The following MACROD2 variants were observed in gnomAD, a reference collection of about 807,000 sequenced individuals.
MACROD2 encodes mono-ADP ribosylhydrolase 2.
MACROD2 carries 36 observed loss-of-function variants against 70.4 expected under a neutral mutation model. The ratio of observed to expected loss-of-function variants is 0.51; its 90% CI spans 0.39 to 0.68. MACROD2 has a LOEUF of 0.68. MACROD2 is among the 30% of genes least tolerant of loss of function. The probability of loss-of-function intolerance (pLI) is 0.00; values close to 1 mark genes in which losing one functional copy is unlikely to be tolerated. For missense variants in MACROD2, 496 were observed against 538.4 expected, an observed-to-expected ratio of 0.92 and a Z score of 0.78; for synonymous variants, 172 against 178.8, an observed-to-expected ratio of 0.96 and a Z score of 0.30.
intron 8 of MACROD2, among the ~76,000 whole-genome samples, chr20:15,860,826 T>G (rs2147161584): frequency 6.6e-6 from 1 of 152,290 alleles, no homozygotes; most frequent in South Asian, 2.1e-4. Flanking sequence ...CACTTTAAAT[T>G]TTTGGAATGT....
intron 6 of MACROD2, among the ~76,000 whole-genome samples, chr20:15,409,965 G>T (rs1416822822): frequency 6.6e-6 from 1 of 152,132 alleles, no homozygotes; most frequent in Non-Finnish European, 1.5e-5. Flanking sequence ...TGGAACCTGG[G>T]ATATTAAACT....
chr20:15,200,266 T>C (rs570761376), intron 5 of MACROD2, among the ~76,000 whole-genome samples: 31 of 152,328 alleles, frequency 2.0e-4, no homozygotes, highest in Admixed American at 3.9e-4. Context: ...ATACTGAAAC[T>C]TCACATGCTA....
intron 5 of MACROD2, among the ~76,000 whole-genome samples, chr20:15,001,976 TACACAC>T (rs1324157048): frequency 6.6e-6 from 1 of 151,508 alleles, no homozygotes; most frequent in Non-Finnish European, 1.5e-5. Flanking sequence ...CACACACATA[TACACAC>T]ACACACTACA....
chr20:15,017,667 G>A (rs911706026), intron 5 of MACROD2, among the ~76,000 whole-genome samples: 1 of 152,204 alleles, frequency 6.6e-6, no homozygotes, highest in Admixed American at 6.5e-5. Flanking sequence ...GGGCATCCAG[G>A]CATTTCCGTA....
At chr20:14,078,471 A>T (rs914453739) in intron 2 of MACROD2, among the ~76,000 whole-genome samples, 57 of 151,938 alleles carry the variant, frequency 3.8e-4, no homozygotes, top group African/African-American at 1.3e-3. Flanking sequence ...CAATGGCGCG[A>T]TCTCGGCTCA....
intron 3 of MACROD2, among the ~76,000 whole-genome samples, chr20:14,158,030 C>T (rs2148715373): frequency 6.6e-6 from 1 of 152,166 alleles, no homozygotes; most frequent in Admixed American, 6.5e-5. Flanking sequence ...ACCAATTTAC[C>T]TTCCATCAAC....
chr20:15,225,698 G>T (rs2076899959), intron 5 of MACROD2, among the ~76,000 whole-genome samples: 1 of 152,126 alleles, frequency 6.6e-6, no homozygotes, highest in Non-Finnish European at 1.5e-5. Flanking sequence ...GGCCTTCTTT[G>T]TCTATTTTAC....
chr20:14,713,640 A>C (rs1015053499), intron 5 of MACROD2, among the ~76,000 whole-genome samples: 4 of 152,206 alleles, frequency 2.6e-5, no homozygotes, highest in South Asian at 2.1e-4. Flanking sequence ...TGAAGACCTA[A>C]CTATATATGA....
chr20:16,040,259 C>T (rs1601367207), intron 15 of MACROD2, among the ~76,000 whole-genome samples: 1 of 151,862 alleles, frequency 6.6e-6, no homozygotes, highest in Non-Finnish European at 1.5e-5. Flanking sequence ...AGATCTCTTC[C>T]TTTGTAGACA....
intron 3 of MACROD2, among the ~76,000 whole-genome samples, chr20:14,218,562 C>G (rs529697579): frequency 4.6e-5 from 7 of 152,184 alleles, no homozygotes; most frequent in African/African-American, 1.4e-4. Context: ...TCTTTGTTGC[C>G]TGTGTACTTT....
intron 4 of MACROD2, among the ~76,000 whole-genome samples, chr20:14,634,033 C>G (rs531651289): frequency 3.9e-5 from 6 of 152,330 alleles, no homozygotes; most frequent in African/African-American, 1.2e-4. Flanking sequence ...ATGCTCTCCT[C>G]ACCTGACACT....
In MACROD2 at chr20:15,001,714, T is replaced by A. The variant is rs910908901; in HGVS notation, c.419-228226T>A. 1.6e-4 allele frequency among the ~76,000 whole-genome samples: 24 copies of A among 152,128 alleles called. No homozygotes were observed. The Middle Eastern group carries it at 0.01, about 65-fold the overall frequency. On this transcript the variant is annotated intron_variant, in intron 5 of 17. Transcript: ENST00000684519. ...TGTTATCTTATTTTTTGTTTTTTTT[T>A]AATTTTTATTTCTGTAGGTTTTTTG...
intron 5 of MACROD2, chr20:14,933,770 AACTT>A (rs1327473893): frequency 2.0e-5 from 3 of 152,234 alleles, no homozygotes; most frequent in Non-Finnish European, 4.4e-5. Flanking sequence ...CATTTAAAAT[AACTT>A]ACTATTTATA....
intron 6 of MACROD2, among the ~76,000 whole-genome samples, chr20:15,252,583 T>C (rs1217625610): frequency 1.3e-5 from 2 of 152,134 alleles, no homozygotes; most frequent in African/African-American, 4.8e-5. Flanking sequence ...ATACCTACAT[T>C]GAACAGGACA....
intron 8 of MACROD2, among the ~76,000 whole-genome samples, chr20:15,610,340 G>C (rs1169300442): frequency 6.6e-6 from 1 of 152,148 alleles, no homozygotes; most frequent in Non-Finnish European, 1.5e-5. Flanking sequence ...CAAGGTGTTG[G>C]CAGGGTTGAT....
rs2051256891 is a variant in MACROD2 at position 15,750,764 on chromosome 20, A to G, written c.646-111981A>G. On this transcript the variant is annotated intron_variant, in intron 8 of 17. Transcript: ENST00000684519. ...ATAAAGAAAATGTGGTATATCTATT[A>G]ATCAACAATGAAAAACTATTTGGCT... Among the ~76,000 whole-genome samples, 3 of 152,160 alleles carry G rather than the reference A, an allele frequency of 2.0e-5. No homozygotes were observed. In the South Asian group the frequency reaches 6.2e-4, roughly 31 times the overall value.
chr20:15,379,500 G>A (rs2045611943), intron 6 of MACROD2, among the ~76,000 whole-genome samples: 1 of 151,682 alleles, frequency 6.6e-6, no homozygotes, highest in Admixed American at 6.6e-5. Flanking sequence ...AACCACAGGT[G>A]GTCCACAGCT....
At chr20:14,513,468 A>G (rs796742453) in intron 4 of MACROD2, among the ~76,000 whole-genome samples, 29 of 152,208 alleles carry the variant, frequency 1.9e-4, no homozygotes, top group African/African-American at 7.0e-4. Flanking sequence ...TCATGAATTA[A>G]ATGAGTTAGC....
chr20:14,857,764 A>C (rs1433321949), intron 5 of MACROD2, among the ~76,000 whole-genome samples: 1 of 152,114 alleles, frequency 6.6e-6, no homozygotes, highest in African/African-American at 2.4e-5. Flanking sequence ...TGAACAATTA[A>C]TACCTTTGTG....
Sources: gnomAD v4.1 joint callset for allele counts (sites outside exome capture counted in the v4.1 genomes callset) on GRCh38, gnomAD v4.1.1 for gene constraint, MANE v1.5 for transcripts, NCBI Gene and HGNC (gene_info 2026-07-23, HGNC 2026-07-21) for gene names.